MRPL2: variants seen among roughly 807,000 people sequenced by gnomAD.
MRPL2 encodes large ribosomal subunit protein uL2m.
MRPL2 carries 27 observed loss-of-function variants against 34.6 expected under a neutral mutation model. The ratio of observed to expected loss-of-function variants is 0.78; its 90% CI spans 0.58 to 1.08. MRPL2 has a LOEUF of 1.08. MRPL2 is among the 50% of genes least tolerant of loss of function. The pLI is 0.00. For synonymous variants in MRPL2, 155 were observed against 158.0 expected (o/e 0.98, Z 0.14); for missense variants, 414 against 419.3 (o/e 0.99, Z 0.11).
At position 43,055,920 on chromosome 6, in the gene MRPL2, C is replaced by A. The variant is rs1764863099; in HGVS notation, c.608G>T (p.Gly203Val). Residue 203 changes from glycine (G) to valine (V), a missense_variant, in exon 5 of 7, where the codon GGT (glycine) becomes GTT (valine). Physicochemically the swap from Gly to Val is moderately radical, Grantham distance 109. Coordinates refer to ENST00000388752, the MANE Select transcript of MRPL2 (RefSeq NM_015950.5). ...INNVESEPGR[G>V]AQYIRAAGTC... ...ACCTGCAGCTCGGATATATTGGGCA[C>A]CCCGGCCTGGCTCACTTTCCACGTT... is the stretch of plus-strand genomic sequence containing the variant. 6.2e-7 allele frequency: 1 copy of A among 1,613,866 alleles called. No individual in the cohort carries two copies. Among genetic ancestry groups the A allele is most frequent in the Non-Finnish European group, 8.5e-7 (1 of 1,179,814 alleles).
chr6:43,057,934 A>G, intron 2 of MRPL2, 131 bp downstream of exon 2: 2 of 1,021,892 alleles, frequency 2.0e-6, no homozygotes, highest in Non-Finnish European at 2.9e-6. Context: ...ACTACATGCA[A>G]AAGGAGCCAA....
Position 43,054,193 on chromosome 6 carries a change from A to T in MRPL2, c.*81T>A, listed in dbSNP as rs1764720000. ...CCCGCAAAAAAAAAACAACAACAAA[A>T]AAAACAAAAAACACCCAAAACAAAA... On this transcript the variant is annotated 3_prime_UTR_variant, in exon 7 of 7. Transcript: ENST00000388752. 2 of 1,145,880 alleles carry T rather than the reference A, an allele frequency of 1.7e-6. No individual in the cohort carries two copies. Among genetic ancestry groups the T allele is most frequent in the Non-Finnish European group, 2.5e-6 (2 of 807,186 alleles). The allele number at this position is 1,145,880 out of a possible 1,614,324, so 71.0% of individuals were successfully genotyped here.
Position 43,054,183 on chromosome 6 carries a change from CAACAACAAAAAA to C in MRPL2, c.*79_*90del, listed in dbSNP as rs1183775849. On this transcript the variant is annotated 3_prime_UTR_variant, in exon 7 of 7. Coordinates refer to ENST00000388752, the MANE Select transcript of MRPL2 (RefSeq NM_015950.5). The stretch of plus-strand genomic sequence containing the variant: ...CATCCCCTCCCCCGCAAAAAAAAAA[CAACAACAAAAAA>C]AACAAAAAACACCCAAAACAAAACC... 2 of 936,336 alleles carry C rather than the reference CAACAACAAAAAA, an allele frequency of 2.1e-6. No individual in the cohort carries two copies. Among genetic ancestry groups the C allele is most frequent in the African/African-American group, 4.1e-5 (2 of 48,400 alleles). 58.0% of individuals were successfully genotyped at this position (936,336 alleles called of 1,614,324 possible).
In MRPL2 at chr6:43,054,505, G is replaced by A. The variant is rs1190082798; in HGVS notation, c.706-19C>T. On this transcript the variant is annotated intron_variant, in intron 6 of 6. Coordinates refer to ENST00000388752, the MANE Select transcript of MRPL2 (RefSeq NM_015950.5). The stretch of plus-strand genomic sequence containing the variant: ...CCAGCACCTGACAGAGAAAACAGAT[G>A]GAGATTCTGTACAATGGGGGGGAAA... 4 of 1,607,698 alleles carry A rather than the reference G, an allele frequency of 2.5e-6. No individual in the cohort carries two copies. The highest frequency in any genetic ancestry group is 1.1e-5 in the South Asian group (1 of 90,870).
rs1397040069 is a variant in MRPL2 at position 43,058,077 on chromosome 6, G to A, written c.253C>T (p.Arg85Ter). Residue 85 changes from arginine to a stop codon, truncating the protein, a stop_gained, in exon 2 of 7, where the codon CGA becomes TGA. Transcript: ENST00000388752. LOFTEE classifies it high-confidence loss of function. ...TPVKMRKSGGRDHTGRIRVHG... is the reference protein window; with the variant it reads ...TPVKMRKSGG ...TCCTTGTTCCCACCTGTGTGGTCTC[G>A]GCCCCCAGACTTCCTCATCTTCACT... 8.1e-6 allele frequency: 13 copies of A among 1,611,812 alleles called. No individual in the cohort carries two copies. Among genetic ancestry groups the A allele is most frequent in the South Asian group, 4.4e-5 (4 of 90,790 alleles).
Position 43,054,173 on chromosome 6 carries a change from A to G in MRPL2, c.*101T>C. On this transcript the variant is annotated 3_prime_UTR_variant, in exon 7 of 7. Transcript: ENST00000388752. Reference sequence around the variant, plus strand: ...TAGTCTGTACCATCCCCTCCCCCGCAAAAAAAAAACAACAACAAAAAAAAC... The same window carrying G: ...TAGTCTGTACCATCCCCTCCCCCGCGAAAAAAAAACAACAACAAAAAAAAC... The G allele has an allele frequency of 6.3e-6, 5 of 798,150 alleles. No individual in the cohort carries two copies. Among genetic ancestry groups the G allele is most frequent in the Non-Finnish European group, 7.3e-6 (4 of 546,492 alleles). The allele number at this position is 798,150 out of a possible 1,614,324, so 49.4% of individuals were successfully genotyped here. A position where few individuals can be genotyped will look rare whatever the true frequency, so the allele number is the denominator to read the frequency against.
upstream of MRPL2, chr6:43,059,579 A>C (rs1765025293): frequency 5.6e-6 from 8 of 1,418,312 alleles, no homozygotes; most frequent in Non-Finnish European, 2.7e-6. Context: ...ACTAGGAAAC[A>C]GGCCCCGCCC....
intron 6 of MRPL2, 139 bp from the exon 7 acceptor site, chr6:43,054,625 T>A: frequency 1.5e-6 from 1 of 671,724 alleles, no homozygotes; most frequent in Non-Finnish European, 2.5e-6. Context: ...TGGCTGACAC[T>A]AAGTGAAGGT....
chr6:43,058,930 C>G, intron 1 of MRPL2: 1 of 562,564 alleles, frequency 1.8e-6, no homozygotes. Context: ...CCTTATTTTC[C>G]TCATCTATAA....
intron 2 of MRPL2, among the ~76,000 whole-genome samples, chr6:43,056,963 G>A (rs1764896055): frequency 6.6e-6 from 1 of 152,158 alleles, no homozygotes; most frequent in Non-Finnish European, 1.5e-5. Flanking sequence ...GTGAGCCACT[G>A]CGCCCAGCCA....
rs1362958011 is a variant in MRPL2, at chr6:43,054,304, C to T, written c.888G>A (p.Val296=). ...IRPLPPMKSY[V]KLPSASAQS ...TTTGGGCAGAAGCAGAAGGCAGCTT[C>T]ACGTAACTCTTCATGGGGGGTAGTG... Residue 296 remains valine, a synonymous_variant, in exon 7 of 7, where the codon GTG becomes GTA. Transcript: ENST00000388752. 6.2e-7 allele frequency: 1 copy of T among 1,608,132 alleles called. No homozygotes were observed. Among genetic ancestry groups the T allele is most frequent in the East Asian group, 2.2e-5 (1 of 44,524 alleles).
chr6:43,054,285 C>A lies in MRPL2; in HGVS notation c.907G>T (p.Ala303Ser). The A allele has an allele frequency of 6.3e-7, 1 of 1,580,436 alleles. No individual in the cohort carries two copies. ...AGAGTACAGGGATATCAGCTTTGGG[C>A]AGAAGCAGAAGGCAGCTTCACGTAA... ...KSYVKLPSAS[A>S]QS The change falls in exon 7 of 7, where the codon GCC (alanine) becomes TCC (serine). Residue 303 changes from alanine to serine, a missense_variant. Physicochemically the swap from Ala to Ser is moderately conservative, Grantham distance 99. Coordinates refer to ENST00000388752, the MANE Select transcript of MRPL2 (RefSeq NM_015950.5).
chr6:43,059,153 A>G lies in MRPL2; in HGVS notation c.96+133T>C, dbSNP rs1245780344. 8.4e-6 allele frequency: 13 copies of G among 1,549,654 alleles called. No individual in the cohort carries two copies. The African/African-American group carries it at 1.6e-4, about 20-fold the overall frequency. On this transcript the variant is annotated intron_variant, in intron 1 of 6. Coordinates refer to ENST00000388752, the MANE Select transcript of MRPL2 (RefSeq NM_015950.5). ...ACTTGTAGAGGAAAAAGCTGAGGCTAAGTGTGCCTTATCCAAGGTCACGGA... is the reference window on the plus strand; with the variant it reads ...ACTTGTAGAGGAAAAAGCTGAGGCTGAGTGTGCCTTATCCAAGGTCACGGA...
chr6:43,057,918 A>T, intron 2 of MRPL2, 147 bp downstream of exon 2: 1 of 821,500 alleles, frequency 1.2e-6, no homozygotes, highest in Non-Finnish European at 2.0e-6. Context: ...TGACTCCTGT[A>T]CACATACTAC....
chr6:43,055,006 T>C (rs1471776393), intron 6 of MRPL2, among the ~76,000 whole-genome samples: 1 of 151,658 alleles, frequency 6.6e-6, no homozygotes, highest in Non-Finnish European at 1.5e-5. Flanking sequence ...ACCCAGGAGT[T>C]TGAGGCTGCA....
intron 2 of MRPL2, 74 bp from the exon 3 acceptor site, chr6:43,056,519 T>A: frequency 1.3e-6 from 2 of 1,573,506 alleles, no homozygotes. Flanking sequence ...AACTGGCCCA[T>A]TCTCTGCCAG....
In MRPL2 at chr6:43,055,963, C is replaced by T. The variant is rs747905871; in HGVS notation, c.565G>A (p.Val189Met). The change falls in exon 5 of 7, where the codon GTG becomes ATG. Residue 189 changes from valine (V) to methionine (M), a missense_variant. Physicochemically the swap from Val to Met is conservative, Grantham distance 21. Coordinates refer to ENST00000388752, the MANE Select transcript of MRPL2 (RefSeq NM_015950.5). ...TCCACGTTGTTGATGAGGGTCCCCA[C>T]AGGCAGAGCCCCAAGAGGATGCGCA... ...GDAHPLGALPVGTLINNVESE... is the reference protein window; with the variant it reads ...GDAHPLGALPMGTLINNVESE... The T allele has an allele frequency of 3.7e-6, 6 of 1,614,174 alleles. No individual in the cohort carries two copies. Among genetic ancestry groups the T allele is most frequent in the Non-Finnish European group, 5.1e-6 (6 of 1,180,034 alleles).
chr6:43,054,238 CGG>C lies in MRPL2; in HGVS notation c.*34_*35del, dbSNP rs34298469. On this transcript the variant is annotated 3_prime_UTR_variant, in exon 7 of 7. Coordinates refer to ENST00000388752, the MANE Select transcript of MRPL2 (RefSeq NM_015950.5). ...ACAAAACCACAGTAACAGATTAAAA[CGG>C]GGGGGGGGGGCATTTTATTAGAGTA... The C allele has an allele frequency of 0.018, 17,500 of 969,466 alleles. 42 individuals carry two copies. Among genetic ancestry groups the C allele is most frequent in the Admixed American group, 0.036 (1,218 of 33,976 alleles). 60.1% of individuals were successfully genotyped at this position (969,466 alleles called of 1,614,324 possible).
At chr6:43,059,076 A>G (rs2050367) in intron 1 of MRPL2, 188,185 of 1,459,764 alleles carry the variant, frequency 0.13, 19,127 homozygotes, top group African/African-American at 0.52. Context: ...TCTGCAAAGC[A>G]CTTTCACCTT....
Sources: allele counts gnomAD v4.1 joint callset (sites outside exome capture counted in the v4.1 genomes callset), GRCh38; gene constraint gnomAD v4.1.1; transcripts MANE v1.5; gene names NCBI Gene and HGNC (gene_info 2026-07-23, HGNC 2026-07-21).